C9orf85: variants seen among roughly 807,000 people sequenced by gnomAD.
C9orf85 encodes uncharacterized protein C9orf85.
Under a neutral mutation model 14.9 loss-of-function variants are expected in C9orf85, and 16 were observed. That is an observed-to-expected ratio of 1.08 (90% CI 0.73 to 1.63). The LOEUF (loss-of-function observed/expected upper bound fraction) is 1.63, where lower values mean the gene tolerates loss of function less well. Among genes scored for constraint, C9orf85 ranks in the 40% most tolerant of loss-of-function variants. The pLI, the probability that C9orf85 is intolerant of heterozygous loss-of-function variation, is 0.00. For synonymous variants in C9orf85, 45 were observed against 56.8 expected, an observed-to-expected ratio of 0.79 and a Z score of 0.93; for missense variants, 172 against 186.1, an observed-to-expected ratio of 0.92 and a Z score of 0.44.
intron 1 of C9orf85, among the ~76,000 whole-genome samples, chr9:71,928,407 G>A (rs1827982786): frequency 6.6e-6 from 1 of 152,108 alleles, no homozygotes; most frequent in South Asian, 2.1e-4. Flanking sequence ...TGTGAGGAAG[G>A]GACTACACAT....
intron 2 of C9orf85, among the ~76,000 whole-genome samples, chr9:71,952,921 G>T (rs1286927082): frequency 6.6e-6 from 1 of 151,278 alleles, no homozygotes; most frequent in Non-Finnish European, 1.5e-5. Context: ...GTTTAACCTT[G>T]CCATAGTAGT....
At chr9:71,926,634 G>GAAA (rs58407244) in intron 1 of C9orf85, among the ~76,000 whole-genome samples, 1 of 115,846 alleles carries the variant, frequency 8.6e-6, no homozygotes, top group East Asian at 2.6e-4. Context: ...CACTGCTGTT[G>GAAA]AAAAAAAAAA....
chr9:71,948,562 C>T (rs563424528), intron 2 of C9orf85, among the ~76,000 whole-genome samples: 7 of 152,140 alleles, frequency 4.6e-5, no homozygotes, highest in African/African-American at 1.7e-4. Flanking sequence ...CACTGTGTCA[C>T]CTAGGCTGCA....
intron 2 of C9orf85, among the ~76,000 whole-genome samples, chr9:71,970,677 T>C (rs1326931034): frequency 6.6e-6 from 1 of 152,126 alleles, no homozygotes; most frequent in African/African-American, 2.4e-5. Context: ...TTGTTTTGGC[T>C]ATCCTGGGTG....
At chr9:71,957,152 T>C (rs1204116462) in intron 2 of C9orf85, among the ~76,000 whole-genome samples, 2 of 152,186 alleles carry the variant, frequency 1.3e-5, no homozygotes, top group Non-Finnish European at 2.9e-5. Context: ...CCACTTAAAC[T>C]AACATAGCAA....
chr9:71,923,136 A>C (rs538871926), intron 1 of C9orf85, among the ~76,000 whole-genome samples: 1 of 152,252 alleles, frequency 6.6e-6, no homozygotes, highest in Non-Finnish European at 1.5e-5. Context: ...TCTCAAAAAA[A>C]GACTGACCAC....
chr9:71,946,221 C>G (rs1822082278), intron 1 of C9orf85, among the ~76,000 whole-genome samples: 1 of 152,010 alleles, frequency 6.6e-6, no homozygotes, highest in Non-Finnish European at 1.5e-5. Flanking sequence ...CTTTTTGCTT[C>G]CAGCTGCTTC....
rs1269449068 is a variant in C9orf85, at chr9:71,968,580, G to A, written c.210-2925G>A. ...GAGTTGTTGGGCTTATATGCATAGA[G>A]TTAAATCTAAAATTTTCCCATTATT... On this transcript the variant is annotated intron_variant, in intron 2 of 3. Transcript: ENST00000334731. Among the ~76,000 whole-genome samples the A allele has an allele frequency of 1.3e-5, 2 of 152,156 alleles. 1 individual carries two copies. Among genetic ancestry groups the A allele is most frequent in the Non-Finnish European group, 2.9e-5 (2 of 68,034 alleles).
rs569892928 is a variant in C9orf85 at position 71,949,886 on chromosome 9, C to T, written c.209+2774C>T. Among the ~76,000 whole-genome samples the T allele has an allele frequency of 1.1e-4, 16 of 152,202 alleles. 1 individual carries two copies. The South Asian group carries it at 2.7e-3, about 26-fold the overall frequency. Reference sequence around the variant, plus strand: ...CTTTCCTCTAGGTATAGGAAGGGCACCTCTCATATAAGGGTCTTATGGCCT... The same window carrying T: ...CTTTCCTCTAGGTATAGGAAGGGCATCTCTCATATAAGGGTCTTATGGCCT... On this transcript the variant is annotated intron_variant, in intron 2 of 3. Coordinates refer to ENST00000334731, the MANE Select transcript of C9orf85 (RefSeq NM_182505.5).
intron 1 of C9orf85, among the ~76,000 whole-genome samples, chr9:71,931,161 C>G (rs1376273940): frequency 1.3e-5 from 2 of 152,174 alleles, no homozygotes; most frequent in Non-Finnish European, 1.5e-5. Flanking sequence ...GGACTTTAGT[C>G]ATACAGAGTG....
chr9:71,957,198 C>T (rs1822402087), intron 2 of C9orf85, among the ~76,000 whole-genome samples: 1 of 152,058 alleles, frequency 6.6e-6, no homozygotes, highest in African/African-American at 2.4e-5. Flanking sequence ...TTATCAAGCC[C>T]CTTCACATCC....
intron 1 of C9orf85, among the ~76,000 whole-genome samples, chr9:71,912,582 A>G (rs1260508271): frequency 6.6e-6 from 1 of 151,196 alleles, no homozygotes; most frequent in African/African-American, 2.4e-5. Flanking sequence ...CTCCATCTGT[A>G]CTAAAAATAC....
chr9:71,950,089 AG>A (rs920460624), intron 2 of C9orf85, among the ~76,000 whole-genome samples: 42 of 152,300 alleles, frequency 2.8e-4, no homozygotes, highest in African/African-American at 1.0e-3. Context: ...GTATTTCAGA[AG>A]GTCCTGAACA....
downstream of C9orf85, chr9:71,984,576 C>G (rs988329517): frequency 3.3e-5 from 5 of 152,272 alleles, no homozygotes; most frequent in African/African-American, 1.2e-4. Context: ...GCTCAGCAGG[C>G]AAAGGTCCAA....
chr9:71,939,359 A>G (rs538526198), intron 1 of C9orf85, among the ~76,000 whole-genome samples: 1 of 152,224 alleles, frequency 6.6e-6, no homozygotes, highest in East Asian at 1.9e-4. Context: ...CCAAATTACT[A>G]TAGAGTACAA....
At chr9:71,934,538 A>G (rs1443739641) in intron 1 of C9orf85, among the ~76,000 whole-genome samples, 4 of 152,276 alleles carry the variant, frequency 2.6e-5, no homozygotes, top group African/African-American at 7.2e-5. Flanking sequence ...AGTGGGAGAA[A>G]ATGTGTACAA....
rs565996535 is a variant in C9orf85, at chr9:71,949,439, T to C, written c.209+2327T>C. 2.6e-5 allele frequency among the ~76,000 whole-genome samples: 4 copies of C among 152,312 alleles called. No individual in the cohort carries two copies. The East Asian group carries it at 5.8e-4, about 22-fold the overall frequency. On this transcript the variant is annotated intron_variant, in intron 2 of 3. Coordinates refer to ENST00000334731, the MANE Select transcript of C9orf85 (RefSeq NM_182505.5). Reference sequence around the variant, plus strand: ...TTTTGCTGTAGAACTTCTGAACTTATGTATTTTGTTTTCTCGCGACAGAGC... The same window carrying C: ...TTTTGCTGTAGAACTTCTGAACTTACGTATTTTGTTTTCTCGCGACAGAGC...
intron 2 of C9orf85, among the ~76,000 whole-genome samples, chr9:71,955,680 T>C (rs1822363984): frequency 6.6e-6 from 1 of 152,178 alleles, no homozygotes; most frequent in African/African-American, 2.4e-5. Context: ...GAGAAACCTT[T>C]AGGCCAAACT....
chr9:71,953,207 T>C (rs1396404182), intron 2 of C9orf85, among the ~76,000 whole-genome samples: 1 of 152,188 alleles, frequency 6.6e-6, no homozygotes, highest in African/African-American at 2.4e-5. Context: ...AGCCTTGCTC[T>C]GTACCGAATA....
Sources: gnomAD v4.1 joint callset for allele counts (sites outside exome capture counted in the v4.1 genomes callset) on GRCh38, gnomAD v4.1.1 for gene constraint, MANE v1.5 for transcripts, NCBI Gene and HGNC (gene_info 2026-07-23, HGNC 2026-07-21) for gene names.